The following PXK variants were observed in gnomAD, a reference collection of about 807,000 sequenced individuals.
PXK encodes PX domain-containing protein kinase-like protein.
A neutral mutation model predicts 84.7 loss-of-function variants in PXK; 35 were observed. The observed-to-expected ratio is 0.41, with a 90% confidence interval of 0.32 to 0.55. PXK has a LOEUF of 0.55. Ranked by LOEUF, PXK falls within the 20% of genes least tolerant of loss-of-function variation. PXK has a pLI of 0.21. For missense variants in PXK, 634 were observed against 699.7 expected, an observed-to-expected ratio of 0.91 and a Z score of 1.06; for synonymous variants, 253 against 260.8, an observed-to-expected ratio of 0.97 and a Z score of 0.29.
intron 3 of PXK, among the ~76,000 whole-genome samples, chr3:58,374,521 T>A (rs904263261): frequency 3.3e-5 from 5 of 152,164 alleles, no homozygotes; most frequent in African/African-American, 1.2e-4. Flanking sequence ...CTCCGGGGAC[T>A]CCTCTGCTGG....
Position 58,390,812 on chromosome 3 carries a change from C to T in PXK, c.466+153C>T, listed in dbSNP as rs1166795357. On this transcript the variant is annotated intron_variant, in intron 5 of 17. Transcript: ENST00000356151. The surrounding 1 kb of genome is among the most constrained non-coding windows in gnomAD (Gnocchi z 4.2). ...AACTGCTTGAGGATACAGCTGGTAA[C>T]TTTTAATACTTAATGAACCTTGGTT... is the stretch of plus-strand genomic sequence containing the variant. 6.6e-6 allele frequency among the ~76,000 whole-genome samples: 1 copy of T among 152,170 alleles called. No homozygotes were observed. Among genetic ancestry groups the T allele is most frequent in the African/African-American group, 2.4e-5 (1 of 41,444 alleles).
intron 3 of PXK, among the ~76,000 whole-genome samples, chr3:58,378,504 T>TGTGTGTGTGTGTG (rs1168148178): frequency 1.4e-5 from 1 of 72,728 alleles, no homozygotes; most frequent in African/African-American, 5.0e-5. Context: ...TTTTTTTTTT[T>TGTGTGTGTGTGTG]TTTTTTTTTG....
intron 3 of PXK, among the ~76,000 whole-genome samples, chr3:58,381,555 C>CAAAAAAAAA (rs34125797): frequency 5.8e-5 from 7 of 120,904 alleles, no homozygotes; most frequent in South Asian, 5.4e-4. Flanking sequence ...AATAGAAAAC[C>CAAAAAAAAA]AAAAAAAAAA....
chr3:58,332,987 G>A lies in PXK; in HGVS notation c.-2G>A. The stretch of plus-strand genomic sequence containing the variant: ...TAGGCGGCGGCGGCCGGGCGTCCCG[G>A]GATGGCCTTCATGGAGAAGCCGCCA... On this transcript the variant is annotated 5_prime_UTR_variant, in exon 1 of 18. Transcript: ENST00000356151. The surrounding 1 kb of genome is among the most constrained non-coding windows in gnomAD (Gnocchi z 5.6). The A allele has an allele frequency of 7.3e-7, 1 of 1,366,792 alleles. No homozygotes were observed. The highest frequency in any genetic ancestry group is 9.5e-7 in the Non-Finnish European group (1 of 1,047,424). 84.7% of individuals were successfully genotyped at this position (1,366,792 alleles called of 1,614,324 possible).
At position 58,370,117 on chromosome 3, in the gene PXK, G is replaced by C. The variant is rs996775556; in HGVS notation, c.201+639G>C. Among the ~76,000 whole-genome samples the C allele has an allele frequency of 1.3e-5, 2 of 152,218 alleles. No individual in the cohort carries two copies. Among genetic ancestry groups the C allele is most frequent in the Admixed American group, 1.3e-4 (2 of 15,286 alleles). On this transcript the variant is annotated intron_variant, in intron 3 of 17. Coordinates refer to ENST00000356151, the MANE Select transcript of PXK (RefSeq NM_017771.5). This position sits in a 1 kb window ranked among gnomAD's most constrained non-coding sequence, Gnocchi z 4.2. ...TGCTAGTGTTGTTCACTTAGGTGGA[G>C]CTGGGACTCTGAATCTCTTCATTGA...
intron 3 of PXK, among the ~76,000 whole-genome samples, chr3:58,381,064 C>T (rs12631494): frequency 0.24 from 35,827 of 151,672 alleles, 5,941 homozygotes; most frequent in East Asian, 0.81. Flanking sequence ...CTGGCTAACA[C>T]GGTGAAATCC....
chr3:58,407,607 C>T lies in PXK; in HGVS notation c.1231-1317C>T, dbSNP rs1329580421. ...ACAGGGGCTCGTTCTGTTGCTTAGG[C>T]TGGAGTGCAGCAGCACAATCTCAGC... On this transcript the variant is annotated intron_variant, in intron 13 of 17. Coordinates refer to ENST00000356151, the MANE Select transcript of PXK (RefSeq NM_017771.5). This position sits in a 1 kb window ranked among gnomAD's most constrained non-coding sequence, Gnocchi z 4.3. Among the ~76,000 whole-genome samples the T allele has an allele frequency of 1.3e-5, 2 of 151,994 alleles. No individual in the cohort carries two copies. Among genetic ancestry groups the T allele is most frequent in the Admixed American group, 1.3e-4 (2 of 15,252 alleles).
Position 58,334,928 on chromosome 3 carries a change from GGTGTGTGTGT to G in PXK, c.102+1859_102+1868del, listed in dbSNP as rs143395201. ...AATAGGATTCTGTTTTTATTGTAAGGGTGTGTGTGTGTGTGTGTGTGTGTGTGTGTCTGTG... is the reference window on the plus strand; with the variant it reads ...AATAGGATTCTGTTTTTATTGTAAGGGTGTGTGTGTGTGTGTGTGTCTGTG... On this transcript the variant is annotated intron_variant, in intron 1 of 17. Coordinates refer to ENST00000356151, the MANE Select transcript of PXK (RefSeq NM_017771.5). 1.5e-4 allele frequency among the ~76,000 whole-genome samples: 20 copies of G among 130,532 alleles called. 1 individual carries two copies. The highest frequency in any genetic ancestry group is 5.5e-4 in the African/African-American group (19 of 34,592). The allele number at this position is 130,532 out of a possible 152,430, so 85.6% of individuals were successfully genotyped here. A position where few individuals can be genotyped will look rare whatever the true frequency, so the allele number is the denominator to read the frequency against.
chr3:58,361,599 G>A (rs542246030), intron 1 of PXK, among the ~76,000 whole-genome samples: 1 of 152,106 alleles, frequency 6.6e-6, no homozygotes, highest in African/African-American at 2.4e-5. Context: ...GAATTGTACA[G>A]TATATAACCT....
chr3:58,392,428 A>G (rs1354721257), intron 7 of PXK, among the ~76,000 whole-genome samples: 1 of 152,200 alleles, frequency 6.6e-6, no homozygotes, highest in African/African-American at 2.4e-5. Context: ...TAACATTGAC[A>G]TTCTTTATCT....
At chr3:58,378,354 T>TC (rs2098461279) in intron 3 of PXK, among the ~76,000 whole-genome samples, 1 of 152,108 alleles carries the variant, frequency 6.6e-6, no homozygotes, top group South Asian at 2.1e-4. Flanking sequence ...CCCAGGGCAC[T>TC]CACCCAGAGG....
chr3:58,405,060 T>C (rs1010166880), intron 13 of PXK, among the ~76,000 whole-genome samples: 4 of 152,324 alleles, frequency 2.6e-5, no homozygotes, highest in African/African-American at 9.6e-5. Context: ...GTACTAGACC[T>C]CGCTCTTCCC....
chr3:58,422,510 C>T, intron 17 of PXK: 1 of 985,386 alleles, frequency 1.0e-6, no homozygotes, highest in Non-Finnish European at 1.2e-6. Context: ...TATTTATTGA[C>T]ACCACCTACA....
intron 1 of PXK, among the ~76,000 whole-genome samples, chr3:58,352,116 T>A (rs2097941069): frequency 6.6e-6 from 1 of 152,184 alleles, no homozygotes; most frequent in South Asian, 2.1e-4. Flanking sequence ...ATGTGTGCCC[T>A]CCCCTGCTGG....
At chr3:58,366,028 A>C in intron 2 of PXK, 104 bp downstream of exon 2, 1 of 897,250 alleles carries the variant, frequency 1.1e-6, no homozygotes, top group African/African-American at 1.7e-5. Flanking sequence ...CAGAACATGC[A>C]TAAATATAAA....
intron 1 of PXK, among the ~76,000 whole-genome samples, chr3:58,354,310 C>T (rs767229354): frequency 5.9e-5 from 9 of 152,102 alleles, no homozygotes; most frequent in South Asian, 2.1e-4. Flanking sequence ...AAAAGACAGA[C>T]GAGCTGAGTC....
chr3:58,389,558 C>T (rs1576437890), intron 4 of PXK, among the ~76,000 whole-genome samples: 1 of 151,994 alleles, frequency 6.6e-6, no homozygotes, highest in Non-Finnish European at 1.5e-5. Flanking sequence ...TGCAGTGGTT[C>T]GTGGTTGTAT....
intron 17 of PXK, among the ~76,000 whole-genome samples, chr3:58,418,707 T>TAA (rs1217684283): frequency 6.6e-6 from 1 of 152,258 alleles, no homozygotes; most frequent in East Asian, 1.9e-4. Context: ...AAACTACGAA[T>TAA]GTCTTGCAAT....
Position 58,409,445 on chromosome 3 carries a change from A to AT in PXK, c.1309-86dup, listed in dbSNP as rs2059862852. Reference sequence around the variant, plus strand: ...AAAGATTTTCTTTTATCCCAATAAAATGTGGTTTGCCAAAACATGTTGGAG... The same window carrying AT: ...AAAGATTTTCTTTTATCCCAATAAAATTGTGGTTTGCCAAAACATGTTGGAG... On this transcript the variant is annotated intron_variant, in intron 14 of 17. Coordinates refer to ENST00000356151, the MANE Select transcript of PXK (RefSeq NM_017771.5). This position sits in a 1 kb window ranked among gnomAD's most constrained non-coding sequence, Gnocchi z 4.2. 1 of 1,232,536 alleles carries AT rather than the reference A, an allele frequency of 8.1e-7. No individual in the cohort carries two copies. Among genetic ancestry groups the AT allele is most frequent in the African/African-American group, 1.5e-5 (1 of 65,650 alleles). 76.3% of individuals were successfully genotyped at this position (1,232,536 alleles called of 1,614,324 possible). A position where few individuals can be genotyped will look rare whatever the true frequency, so the allele number is the denominator to read the frequency against.
Sources: allele counts gnomAD v4.1 joint callset (sites outside exome capture counted in the v4.1 genomes callset), GRCh38; gene constraint gnomAD v4.1.1; non-coding constraint Gnocchi (gnomAD v3.1); transcripts MANE v1.5; gene names NCBI Gene and HGNC (gene_info 2026-07-23, HGNC 2026-07-21).